MMP8: variants seen among roughly 807,000 people sequenced by gnomAD.
The protein encoded by MMP8 is neutrophil collagenase.
Under a neutral mutation model 51.2 loss-of-function variants are expected in MMP8, and 67 were observed. The ratio of observed to expected loss-of-function variants is 1.31; its 90% CI spans 1.08 to 1.60. The LOEUF (loss-of-function observed/expected upper bound fraction) is 1.60. Ranked by LOEUF, MMP8 falls within the 40% of genes most tolerant of loss-of-function variation. MMP8 has a pLI of 0.00. For synonymous variants in MMP8, 225 were observed against 191.0 expected (o/e 1.18, Z -1.47); for missense variants, 654 against 558.1 (o/e 1.17, Z -1.73).
chr11:102,713,628 G>T (rs1861190469), intron 9 of MMP8, 126 bp downstream of exon 9: 1 of 1,020,530 alleles, frequency 9.8e-7, no homozygotes, highest in Non-Finnish European at 1.5e-6. Context: ...AACTCTGGGA[G>T]GCTGAGGTGG....
Position 102,721,686 on chromosome 11 carries a change from C to A in MMP8, c.424G>T (p.Val142Phe), listed in dbSNP as rs552888374. The change falls in exon 3 of 10, where the codon GTT becomes TTT. Residue 142 changes from valine to phenylalanine, a missense_variant. Coordinates refer to ENST00000236826, the MANE Select transcript of MMP8 (RefSeq NM_002424.3). ...AIKDAFELWS[V>F]ASPLIFTRIS... ...CTGGTGAAGATGAGAGGTGATGCAA[C>A]ACTCCAGAGTTCAAAGGCATCCTTG... is the stretch of plus-strand genomic sequence containing the variant. The A allele has an allele frequency of 1.2e-6, 2 of 1,613,854 alleles. No homozygotes were observed. Among genetic ancestry groups the A allele is most frequent in the Non-Finnish European group, 1.7e-6 (2 of 1,179,864 alleles).
Position 102,712,439 on chromosome 11 carries a change from T to G in MMP8, c.*909A>C, listed in dbSNP as rs1861152007. Reference sequence around the variant, plus strand: ...GTTGCTGTAACAAAGTATTGCAAAGTTGGTGGCTTAAAACAAAGGAAATTT... The same window carrying G: ...GTTGCTGTAACAAAGTATTGCAAAGGTGGTGGCTTAAAACAAAGGAAATTT... On this transcript the variant is annotated 3_prime_UTR_variant, in exon 10 of 10. Coordinates refer to ENST00000236826, the MANE Select transcript of MMP8 (RefSeq NM_002424.3). 6.6e-6 allele frequency: 1 copy of G among 152,220 alleles called. No homozygotes were observed. Among genetic ancestry groups the G allele is most frequent in the African/African-American group, 2.4e-5 (1 of 41,438 alleles). The allele number at this position is 152,220 out of a possible 1,614,324, so 9.4% of individuals were successfully genotyped here. A position where few individuals can be genotyped will look rare whatever the true frequency, so the allele number is the denominator to read the frequency against.
rs143652474 is a variant in MMP8, at chr11:102,723,323, A to G, written c.103-650T>C. On this transcript the variant is annotated intron_variant, in intron 1 of 9. Coordinates refer to ENST00000236826, the MANE Select transcript of MMP8 (RefSeq NM_002424.3). ...AATTACCTATTTTAAGTTTGGCTTA[A>G]AAGTTTCTTCATACACAGTGAAATG... Among the ~76,000 whole-genome samples, 14 of 152,336 alleles carry G rather than the reference A, an allele frequency of 9.2e-5. No homozygotes were observed. The East Asian group carries it at 2.7e-3, about 29-fold the overall frequency.
chr11:102,714,632 TG>T lies in MMP8; in HGVS notation c.1113del (p.Ser372AlafsTer20). 1 of 1,554,560 alleles carries T rather than the reference TG, an allele frequency of 6.4e-7. No individual in the cohort carries two copies. The highest frequency in any genetic ancestry group is 2.5e-5 in the East Asian group (1 of 39,708). On this transcript the variant is annotated frameshift_variant, in exon 8 of 10. Coordinates refer to ENST00000236826, the MANE Select transcript of MMP8 (RefSeq NM_002424.3). LOFTEE classifies it high-confidence loss of function. ...YPKDISNYGF[P>X]SSVQAIDAAV... ...GCTGCGTCAATTGCTTGGACGCTGC[TG>T]GGGAAGCCATAGTTTGATATATCCT...
At chr11:102,718,671 C>T in intron 4 of MMP8, 96 bp from the exon 5 acceptor site, 1 of 1,384,338 alleles carries the variant, frequency 7.2e-7, no homozygotes, top group Non-Finnish European at 1.0e-6. Flanking sequence ...CAAAACTGCT[C>T]AGGGAAATAG....
intron 5 of MMP8, among the ~76,000 whole-genome samples, chr11:102,716,631 G>A (rs1190944470): frequency 2.0e-5 from 3 of 152,098 alleles, no homozygotes; most frequent in South Asian, 2.1e-4. Context: ...GGTTTTCAGG[G>A]TAAGTTCCAG....
Position 102,715,310 on chromosome 11 carries a change from A to G in MMP8, c.1030T>C (p.Phe344Leu). The change falls in exon 7 of 10, where the codon TTT becomes CTT. Residue 344 changes from phenylalanine (F) to leucine (L), a missense_variant. Transcript: ENST00000236826. The part of the protein sequence containing the change: ...EDFDRDLIFL[F>L]KGNQYWALSG... ...GAAAACTTTAGGAAGTTACCTTTAAATAGGAAAATGAGGTCTCTGTCAAAA... is the reference window on the plus strand; with the variant it reads ...GAAAACTTTAGGAAGTTACCTTTAAGTAGGAAAATGAGGTCTCTGTCAAAA... The G allele has an allele frequency of 1.2e-6, 2 of 1,610,212 alleles. No homozygotes were observed. The highest frequency in any genetic ancestry group is 1.7e-6 in the Non-Finnish European group (2 of 1,178,760).
rs1861174352 is a variant in MMP8 at position 102,713,157 on chromosome 11, A to T, written c.*191T>A. 1 of 507,442 alleles carries T rather than the reference A, an allele frequency of 2.0e-6. No homozygotes were observed. Among genetic ancestry groups the T allele is most frequent in the Non-Finnish European group, 3.5e-6 (1 of 285,122 alleles). 31.4% of individuals were successfully genotyped at this position (507,442 alleles called of 1,614,324 possible). On this transcript the variant is annotated 3_prime_UTR_variant, in exon 10 of 10. Coordinates refer to ENST00000236826, the MANE Select transcript of MMP8 (RefSeq NM_002424.3). ...CTAATGTAAGATGGAATGTGTAAGA[A>T]CTGAATAAGCCTCTGCAAATAGTGG... is the stretch of plus-strand genomic sequence containing the variant.
Position 102,718,508 on chromosome 11 carries a change from G to A in MMP8, c.690C>T (p.Asp230=), listed in dbSNP as rs768378267. ...GHSLGLAHSS[D]PGALMYPNYA... ...AGTTGGGATACATCAAGGCACCAGG[G>A]TCAGAGGAGTGAGCGAGCCCCAAAG... Residue 230 remains aspartate (D), a synonymous_variant, in exon 5 of 10, where the codon GAC becomes GAT. Coordinates refer to ENST00000236826, the MANE Select transcript of MMP8 (RefSeq NM_002424.3). 6.2e-7 allele frequency: 1 copy of A among 1,613,986 alleles called. No individual in the cohort carries two copies. The highest frequency in any genetic ancestry group is 1.1e-5 in the South Asian group (1 of 91,078).
intron 4 of MMP8, among the ~76,000 whole-genome samples, 187 bp downstream of exon 4, chr11:102,721,214 T>C (rs2186602): frequency 0.63 from 95,171 of 152,004 alleles, 30,375 homozygotes; most frequent in African/African-American, 0.76. Context: ...AGCATGTCTT[T>C]TTCTTTCTTT....
intron 4 of MMP8, 124 bp downstream of exon 4, chr11:102,721,277 A>C (rs768343840): frequency 6.1e-5 from 85 of 1,397,986 alleles, no homozygotes; most frequent in Non-Finnish European, 8.1e-5. Context: ...AAAATTTCAA[A>C]TGATCACTTT....
chr11:102,714,719 A>C lies in MMP8; in HGVS notation c.1037-10T>G. On this transcript the variant is annotated splice_polypyrimidine_tract_variant and intron_variant, in intron 7 of 9. Transcript: ENST00000236826. ...GCCCAGTATTGGTTGCCTGTCAATG[A>C]TTCAGGTTAAGTGTTAAATACGACT... is the stretch of plus-strand genomic sequence containing the variant. 2.0e-6 allele frequency: 3 copies of C among 1,468,508 alleles called. No homozygotes were observed. The highest frequency in any genetic ancestry group is 2.7e-6 in the Non-Finnish European group (3 of 1,110,856). The allele number at this position is 1,468,508 out of a possible 1,614,324, so 91.0% of individuals were successfully genotyped here.
At chr11:102,723,542 T>C (rs1861535554) in intron 1 of MMP8, 2 of 455,638 alleles carry the variant, frequency 4.4e-6, no homozygotes, top group South Asian at 3.1e-5. Context: ...TGAGATGGCC[T>C]TGTGCTGTGT....
At chr11:102,714,806 A>ATATATATATAT (rs1861238462) in intron 7 of MMP8, 97 bp from the exon 8 acceptor site, 2 of 211,730 alleles carry the variant, frequency 9.4e-6, no homozygotes. Context: ...ATATATATAT[A>ATATATATATAT]CCACTTCTTG....
Position 102,722,512 on chromosome 11 carries a change from C to CA in MMP8, c.263_264insT (p.Lys88AsnfsTer8). 6.2e-7 allele frequency: 1 copy of CA among 1,613,972 alleles called. No homozygotes were observed. Among genetic ancestry groups the CA allele is most frequent in the Non-Finnish European group, 8.5e-7 (1 of 1,179,856 alleles). ...CACTGTCAGGCACTCCACAGCGAGG[C>CA]TTTTTCATCATGTCCAGAGTTTCCT... On this transcript the variant is annotated frameshift_variant, in exon 2 of 10. Coordinates refer to ENST00000236826, the MANE Select transcript of MMP8 (RefSeq NM_002424.3). LOFTEE classifies it high-confidence loss of function.
At chr11:102,716,274 CA>C in intron 6 of MMP8, 27 bp downstream of exon 6, 1 of 1,466,366 alleles carries the variant, frequency 6.8e-7, no homozygotes, top group Middle Eastern at 1.7e-4. Context: ...TAAGAGGAAT[CA>C]AAGGAAGAAA....
rs1357441205 is a variant in MMP8 at position 102,713,093 on chromosome 11, T to C, written c.*255A>G. The C allele has an allele frequency of 1.8e-5, 6 of 340,740 alleles. No homozygotes were observed. Among genetic ancestry groups the C allele is most frequent in the Non-Finnish European group, 3.2e-5 (6 of 186,530 alleles). The allele number at this position is 340,740 out of a possible 1,614,324, so 21.1% of individuals were successfully genotyped here. Reference sequence around the variant, plus strand: ...AGTATTGAAATAGTAAATATTGAGGTGACAAAAAGGCTTACTTTCCTTCTC... The same window carrying C: ...AGTATTGAAATAGTAAATATTGAGGCGACAAAAAGGCTTACTTTCCTTCTC... On this transcript the variant is annotated 3_prime_UTR_variant, in exon 10 of 10. Coordinates refer to ENST00000236826, the MANE Select transcript of MMP8 (RefSeq NM_002424.3).
intron 5 of MMP8, among the ~76,000 whole-genome samples, chr11:102,716,678 T>C (rs1047408653): frequency 1.3e-5 from 2 of 152,158 alleles, no homozygotes; most frequent in African/African-American, 4.8e-5. Flanking sequence ...AATTCTATGC[T>C]CCTTCCTTCC....
intron 4 of MMP8, 121 bp from the exon 5 acceptor site, chr11:102,718,696 G>T: frequency 4.7e-6 from 5 of 1,060,116 alleles, no homozygotes; most frequent in Non-Finnish European, 6.9e-6. Flanking sequence ...TCCCATGGCT[G>T]TCTTTTTCAT....
Sources: allele counts gnomAD v4.1 joint callset (sites outside exome capture counted in the v4.1 genomes callset), GRCh38; gene constraint gnomAD v4.1.1; transcripts MANE v1.5; gene names NCBI Gene and HGNC (gene_info 2026-07-23, HGNC 2026-07-21).